ATP8B1: variants seen among roughly 807,000 people sequenced by gnomAD.
ATP8B1 encodes ATPase phospholipid transporting 8B1.
A neutral mutation model predicts 149.9 loss-of-function variants in ATP8B1; 80 were observed. That is an observed-to-expected ratio of 0.53 (90% CI 0.45 to 0.64). The LOEUF (loss-of-function observed/expected upper bound fraction) is 0.64, where lower values mean the gene tolerates loss of function less well. Among genes scored for constraint, ATP8B1 ranks in the 30% least tolerant of loss-of-function variants. ATP8B1 has a pLI of 0.00. For synonymous variants in ATP8B1, 536 were observed against 562.8 expected, an observed-to-expected ratio of 0.95 and a Z score of 0.67; for missense variants, 1,247 against 1,552.6, an observed-to-expected ratio of 0.80 and a Z score of 3.31.
intron 1 of ATP8B1, among the ~76,000 whole-genome samples, chr18:57,745,656 A>T (rs976072779): frequency 6.9e-6 from 1 of 143,920 alleles, no homozygotes; most frequent in Admixed American, 7.0e-5. Context: ...TGGTTTTACA[A>T]TTTTTTTTTT....
rs115617884 is a variant in ATP8B1 at position 57,775,348 on chromosome 18, G to T, written c.-26+27650C>A. Among the ~76,000 whole-genome samples the T allele has an allele frequency of 2.5e-3, 384 of 151,184 alleles. 3 individuals carry two copies. The highest frequency in any genetic ancestry group is 8.7e-3 in the African/African-American group (360 of 41,176). The stretch of plus-strand genomic sequence containing the variant: ...GAAAAGAGAAAGAGAAGGAAGGAGG[G>T]GGAGAGAGACGAAAGAAAGAAAAAG... On this transcript the variant is annotated intron_variant, in intron 1 of 27. Coordinates refer to ENST00000648908, the MANE Select transcript of ATP8B1 (RefSeq NM_001374385.1).
chr18:57,688,126 C>T (rs1231061528), intron 13 of ATP8B1, among the ~76,000 whole-genome samples, 173 bp downstream of exon 13: 1 of 152,274 alleles, frequency 6.6e-6, no homozygotes, highest in East Asian at 1.9e-4. Flanking sequence ...GCATGTGTCC[C>T]CAGTGCTGTC....
rs554354985 is a variant in ATP8B1 at position 57,796,538 on chromosome 18, C to T, written c.-26+6460G>A. Among the ~76,000 whole-genome samples, 3 of 152,272 alleles carry T rather than the reference C, an allele frequency of 2.0e-5. 1 individual carries two copies. Among genetic ancestry groups the T allele is most frequent in the African/African-American group, 4.8e-5 (2 of 41,558 alleles). The stretch of plus-strand genomic sequence containing the variant: ...GAGGTTGATACAGCAGCTACTAGTG[C>T]CTGACTTAGAGGACTCACACTTTAA... On this transcript the variant is annotated intron_variant, in intron 1 of 27. Coordinates refer to ENST00000648908, the MANE Select transcript of ATP8B1 (RefSeq NM_001374385.1).
chr18:57,713,190 T>C (rs1913785875), intron 2 of ATP8B1, among the ~76,000 whole-genome samples: 1 of 85,442 alleles, frequency 1.2e-5, no homozygotes, highest in African/African-American at 4.4e-5. Context: ...TTTCTTTCTT[T>C]CTTTCTTTCC....
In ATP8B1 at chr18:57,761,262, G is replaced by C. The variant is rs913216113; in HGVS notation, c.-25-29430C>G. ...AGACTGTGTTGTTGTTGCTATCAGG[G>C]CAACTGTGATATTTATCTTAAGAAA... is the stretch of plus-strand genomic sequence containing the variant. On this transcript the variant is annotated intron_variant, in intron 1 of 27. Coordinates refer to ENST00000648908, the MANE Select transcript of ATP8B1 (RefSeq NM_001374385.1). 3.3e-5 allele frequency among the ~76,000 whole-genome samples: 5 copies of C among 152,164 alleles called. No individual in the cohort carries two copies. The East Asian group carries it at 9.6e-4, about 29-fold the overall frequency.
chr18:57,654,633 C>T (rs1452124266), intron 23 of ATP8B1, among the ~76,000 whole-genome samples: 1 of 151,656 alleles, frequency 6.6e-6, no homozygotes, highest in Non-Finnish European at 1.5e-5. Context: ...TATCGCTACT[C>T]TTAATGTCAA....
chr18:57,667,053 GA>G (rs776510384), intron 20 of ATP8B1, 38 bp downstream of exon 20: 1 of 1,524,684 alleles, frequency 6.6e-7, no homozygotes, highest in Non-Finnish European at 9.1e-7. Flanking sequence ...TTGCAAAGAT[GA>G]GCTATTACGT....
At chr18:57,697,353 C>T (rs1599127515) in intron 8 of ATP8B1, among the ~76,000 whole-genome samples, 1 of 152,152 alleles carries the variant, frequency 6.6e-6, no homozygotes, top group Admixed American at 6.6e-5. Context: ...TTATTCATAT[C>T]TGTCTGGACG....
intron 1 of ATP8B1, 37 bp from the exon 2 acceptor site, chr18:57,731,869 C>G (rs1184363575): frequency 1.2e-6 from 2 of 1,604,022 alleles, no homozygotes; most frequent in African/African-American, 2.7e-5. Flanking sequence ...AATTATGACT[C>G]TTGCCCAGTT....
chr18:57,739,196 CCTT>C (rs1232691380), intron 1 of ATP8B1, among the ~76,000 whole-genome samples: 3 of 152,084 alleles, frequency 2.0e-5, no homozygotes, highest in East Asian at 1.9e-4. Context: ...CAGGGTTTCT[CCTT>C]GTTGGTCAGG....
chr18:57,783,645 G>A (rs554383150), intron 1 of ATP8B1, among the ~76,000 whole-genome samples: 2 of 152,184 alleles, frequency 1.3e-5, no homozygotes, highest in Admixed American at 6.5e-5. Flanking sequence ...AAACCAGCCT[G>A]GCCAACATAG....
intron 15 of ATP8B1, among the ~76,000 whole-genome samples, chr18:57,679,581 A>G (rs1351559765): frequency 6.6e-6 from 1 of 152,144 alleles, no homozygotes; most frequent in East Asian, 1.9e-4. Flanking sequence ...GTTCTCATCA[A>G]CCTGATTCCC....
chr18:57,734,612 A>G (rs1220386578), intron 1 of ATP8B1, among the ~76,000 whole-genome samples: 1 of 152,172 alleles, frequency 6.6e-6, no homozygotes, highest in East Asian at 1.9e-4. Context: ...GGCATTCATT[A>G]TTACAAAGAA....
At chr18:57,665,576 G>A (rs1321833804) in intron 20 of ATP8B1, among the ~76,000 whole-genome samples, 4 of 150,112 alleles carry the variant, frequency 2.7e-5, no homozygotes, top group Admixed American at 6.6e-5. Flanking sequence ...TTTTTGAGAC[G>A]GAGTCTTGCT....
chr18:57,724,707 T>A, intron 2 of ATP8B1, among the ~76,000 whole-genome samples: 1 of 145,932 alleles, frequency 6.9e-6, no homozygotes, highest in African/African-American at 2.6e-5. Flanking sequence ...TCCTCAGGGA[T>A]CTAGAACTAG....
intron 1 of ATP8B1, among the ~76,000 whole-genome samples, chr18:57,799,455 A>G (rs2080551060): frequency 1.3e-5 from 2 of 152,224 alleles, no homozygotes; most frequent in Admixed American, 1.3e-4. Context: ...TCACGCCTAT[A>G]ATCCCAGCAC....
intron 2 of ATP8B1, among the ~76,000 whole-genome samples, chr18:57,716,609 A>C (rs1236944776): frequency 6.6e-6 from 1 of 152,332 alleles, no homozygotes; most frequent in East Asian, 1.9e-4. Context: ...AATGATAAAG[A>C]GGTCAGTTCA....
intron 1 of ATP8B1, among the ~76,000 whole-genome samples, chr18:57,792,616 G>A (rs2080474952): frequency 6.6e-6 from 1 of 152,204 alleles, no homozygotes; most frequent in South Asian, 2.1e-4. Context: ...ACCAGGCAGA[G>A]CTAAAAGGTA....
intron 22 of ATP8B1, among the ~76,000 whole-genome samples, chr18:57,658,291 C>T (rs1410011612): frequency 6.6e-6 from 1 of 152,190 alleles, no homozygotes; most frequent in Non-Finnish European, 1.5e-5. Flanking sequence ...CTCAGGTGAT[C>T]TGCCTGCCTT....
Sources: allele counts gnomAD v4.1 joint callset (sites outside exome capture counted in the v4.1 genomes callset), GRCh38; gene constraint gnomAD v4.1.1; transcripts MANE v1.5; gene names NCBI Gene and HGNC (gene_info 2026-07-23, HGNC 2026-07-21).